The following PPFIBP2 variants were observed in gnomAD, a reference collection of about 807,000 sequenced individuals.
PPFIBP2 encodes the protein liprin-beta-2.
A neutral mutation model predicts 118.3 loss-of-function variants in PPFIBP2; 118 were observed. That is an observed-to-expected ratio of 1.00 (90% CI 0.86 to 1.16). PPFIBP2 has a LOEUF of 1.16. Ranked by LOEUF, PPFIBP2 falls within the 50% of genes most tolerant of loss-of-function variation. PPFIBP2 has a pLI of 0.00. For missense variants in PPFIBP2, 1,195 were observed against 1,073.1 expected (o/e 1.11, Z -1.59); for synonymous variants, 414 against 397.4 (o/e 1.04, Z -0.50).
intron 3 of PPFIBP2, among the ~76,000 whole-genome samples, chr11:7,567,918 C>T (rs965205527): frequency 4.6e-5 from 7 of 152,220 alleles, no homozygotes; most frequent in Non-Finnish European, 7.3e-5. Flanking sequence ...AGAAGCGCTG[C>T]GTTCAACCCT....
intron 5 of PPFIBP2, among the ~76,000 whole-genome samples, chr11:7,607,656 T>C (rs952702086): frequency 2.6e-5 from 4 of 152,176 alleles, no homozygotes; most frequent in Non-Finnish European, 5.9e-5. Flanking sequence ...GGGATTTTTT[T>C]TTTTCCCTGA....
At chr11:7,537,151 G>A (rs1590153932) in intron 1 of PPFIBP2, among the ~76,000 whole-genome samples, 1 of 152,168 alleles carries the variant, frequency 6.6e-6, no homozygotes, top group African/African-American at 2.4e-5. Context: ...AATGGCTACA[G>A]GCCATGTTCT....
chr11:7,605,708 A>G, intron 5 of PPFIBP2: 2 of 1,338,296 alleles, frequency 1.5e-6, no homozygotes, highest in Non-Finnish European at 1.9e-6. Flanking sequence ...AACCAGGAAA[A>G]TAGAGTTACT....
rs1295579375 is a variant in PPFIBP2, at chr11:7,639,767, T to A, written c.1272T>A (p.Thr424=). ...TCTTGGCGGAGCACAAATATCCCACTTTACCTGGGAAGCTTTCAGGAGCCA... is the reference window on the plus strand; with the variant it reads ...TCTTGGCGGAGCACAAATATCCCACATTACCTGGGAAGCTTTCAGGAGCCA... The part of the protein sequence containing the change: ...SPFLAEHKYP[T]LPGKLSGATP... Residue 424 remains threonine (T), a synonymous_variant, in exon 15 of 24, where the codon ACT becomes ACA. Transcript: ENST00000299492. 6.2e-7 allele frequency: 1 copy of A among 1,614,138 alleles called. No individual in the cohort carries two copies. The highest frequency in any genetic ancestry group is 8.5e-7 in the Non-Finnish European group (1 of 1,180,008).
rs779916892 is a variant in PPFIBP2, at chr11:7,634,543, T to G, written c.1185T>G (p.Ser395=). Residue 395 remains serine, a synonymous_variant, in exon 13 of 24, where the codon TCT becomes TCG. Coordinates refer to ENST00000299492, the MANE Select transcript of PPFIBP2 (RefSeq NM_003621.5). ...GTCTAGAAGACTTGAGAAGTGAATC[T>G]GTGGATAAGGTCGGCTCATCAACCT... ...SCSLEDLRSE[S]VDKCMDGNQP... 6 of 1,613,312 alleles carry G rather than the reference T, an allele frequency of 3.7e-6. No homozygotes were observed. The Admixed American group carries it at 1.0e-4, about 27-fold the overall frequency.
intron 17 of PPFIBP2, among the ~76,000 whole-genome samples, chr11:7,643,821 T>A (rs886985288): frequency 1.2e-4 from 19 of 152,206 alleles, no homozygotes; most frequent in African/African-American, 4.6e-4. Flanking sequence ...ACAATTGATT[T>A]TTTTTTAAAT....
intron 1 of PPFIBP2, among the ~76,000 whole-genome samples, chr11:7,524,124 C>CTGTG (rs1262915731): frequency 2.0e-5 from 3 of 149,426 alleles, no homozygotes; most frequent in African/African-American, 7.4e-5. Context: ...CTGTGTGTGT[C>CTGTG]TGTGCGTGTG....
At chr11:7,608,600 A>G (rs1384433612) in intron 5 of PPFIBP2, among the ~76,000 whole-genome samples, 1 of 152,218 alleles carries the variant, frequency 6.6e-6, no homozygotes, top group Non-Finnish European at 1.5e-5. Context: ...AGATCGTGCC[A>G]TTGCACTCCA....
rs534015701 is a variant in PPFIBP2, at chr11:7,628,210, G to A, written c.827-75G>A. On this transcript the variant is annotated intron_variant, in intron 8 of 23. Coordinates refer to ENST00000299492, the MANE Select transcript of PPFIBP2 (RefSeq NM_003621.5). Reference sequence around the variant, plus strand: ...ACATGGCAAGTCTTCATTTGAACTTGGGGGACATCATAGCAAGTGCGGATA... The same window carrying A: ...ACATGGCAAGTCTTCATTTGAACTTAGGGGACATCATAGCAAGTGCGGATA... 14 of 1,262,924 alleles carry A rather than the reference G, an allele frequency of 1.1e-5. 1 individual carries two copies. The highest frequency in any genetic ancestry group is 4.9e-5 in the East Asian group (2 of 40,470). 78.2% of individuals were successfully genotyped at this position (1,262,924 alleles called of 1,614,324 possible).
chr11:7,594,933 A>AG (rs1474203830), intron 4 of PPFIBP2, among the ~76,000 whole-genome samples: 5 of 151,630 alleles, frequency 3.3e-5, no homozygotes, highest in Non-Finnish European at 2.9e-5. Context: ...AAAAAAAAAA[A>AG]AAAAGAAAAA....
chr11:7,548,218 A>C (rs1852541182), intron 1 of PPFIBP2: 1 of 152,470 alleles, frequency 6.6e-6, no homozygotes, highest in Non-Finnish European at 1.5e-5. Flanking sequence ...TGTGGATTTA[A>C]CTATTATTTC....
intron 2 of PPFIBP2, among the ~76,000 whole-genome samples, chr11:7,554,278 T>C (rs565943897): frequency 3.8e-4 from 58 of 152,280 alleles, no homozygotes; most frequent in African/African-American, 1.3e-3. Context: ...TCCCAAATAG[T>C]AACCACTTAC....
intron 2 of PPFIBP2, among the ~76,000 whole-genome samples, chr11:7,556,256 C>A (rs553921118): frequency 1.3e-5 from 2 of 152,166 alleles, no homozygotes; most frequent in Admixed American, 6.5e-5. Flanking sequence ...GAGATTGAGA[C>A]CATCCTGGCT....
At chr11:7,587,904 C>T (rs1274944568) in intron 3 of PPFIBP2, among the ~76,000 whole-genome samples, 1 of 152,234 alleles carries the variant, frequency 6.6e-6, no homozygotes, top group African/African-American at 2.4e-5. Flanking sequence ...CAATAGATTC[C>T]ATTAAAGCAG....
chr11:7,562,907 CAAAG>C lies in PPFIBP2; in HGVS notation c.65-2642_65-2639del, dbSNP rs1414585276. Among the ~76,000 whole-genome samples the C allele has an allele frequency of 5.3e-5, 7 of 132,884 alleles. No individual in the cohort carries two copies. The Admixed American group carries it at 6.1e-4, about 12-fold the overall frequency. The allele number at this position is 132,884 out of a possible 152,430, so 87.2% of individuals were successfully genotyped here. A position where few individuals can be genotyped will look rare whatever the true frequency, so the allele number is the denominator to read the frequency against. ...AAAGTAATAAAAGAAATATAAGTTT[CAAAG>C]AAATAGAAATTAAAGTTTTATATAT... On this transcript the variant is annotated intron_variant, in intron 2 of 23. Transcript: ENST00000299492.
rs1457165848 is a variant in PPFIBP2 at position 7,629,573 on chromosome 11, T to C, written c.964+39T>C. ...CGATCCTACCGTTGTCTCTGAAAGA[T>C]ATTCCATCAGCTGTGTTAAAGCCAG... On this transcript the variant is annotated intron_variant, in intron 10 of 23. Transcript: ENST00000299492. 1.1e-5 allele frequency: 18 copies of C among 1,596,826 alleles called. No individual in the cohort carries two copies. The East Asian group carries it at 3.6e-4, about 32-fold the overall frequency.
chr11:7,589,979 CA>C (rs5789529), intron 3 of PPFIBP2, among the ~76,000 whole-genome samples: 49,218 of 152,116 alleles, frequency 0.32, 8,309 homozygotes, highest in East Asian at 0.4. Context: ...TTGATAACCA[CA>C]AAGCTTATTA....
chr11:7,653,862 C>G (rs1305533691), downstream of PPFIBP2: 2 of 1,092,046 alleles, frequency 1.8e-6, no homozygotes. Context: ...GGCACTGAGC[C>G]TAGTCCTCAG....
At chr11:7,605,790 G>C in intron 5 of PPFIBP2, 3 of 1,387,914 alleles carry the variant, frequency 2.2e-6, no homozygotes, top group Non-Finnish European at 2.8e-6. Context: ...TCAGAAGATT[G>C]TGGCCAGAGG....
Sources: allele counts gnomAD v4.1 joint callset (sites outside exome capture counted in the v4.1 genomes callset), GRCh38; gene constraint gnomAD v4.1.1; transcripts MANE v1.5; gene names NCBI Gene and HGNC (gene_info 2026-07-23, HGNC 2026-07-21).